Variants in KIRREL3 observed in about 807,000 individuals in gnomAD.
The protein encoded by KIRREL3 is kirre like nephrin family adhesion molecule 3, also known as kin of IRRE-like protein 3.
Under a neutral mutation model 89.7 loss-of-function variants are expected in KIRREL3, and 36 were observed. The observed-to-expected ratio is 0.40, with a 90% CI of 0.31 to 0.53. KIRREL3 has a LOEUF of 0.53. Among genes scored for constraint, KIRREL3 ranks in the 20% least tolerant of loss-of-function variants. The pLI, the probability that KIRREL3 is intolerant of heterozygous loss-of-function variation, is 0.49. For synonymous variants in KIRREL3, 445 were observed against 441.4 expected (o/e 1.01, Z -0.10); for missense variants, 864 against 1,056.6 (o/e 0.82, Z 2.53).
intron 4 of KIRREL3, 33 bp from the exon 5 acceptor site, chr11:126,473,499 G>T (rs1256241324): frequency 2.7e-6 from 4 of 1,509,146 alleles, no homozygotes; most frequent in Non-Finnish European, 2.7e-6. Context: ...GTCAGGCCGA[G>T]GCTCCCACCT....
At position 126,830,933 on chromosome 11, in the gene KIRREL3, GA is replaced by G. The variant is rs1365401397; in HGVS notation, c.55+169521del. Among the ~76,000 whole-genome samples, 1 of 152,090 alleles carries G rather than the reference GA, an allele frequency of 6.6e-6. No homozygotes were observed. The highest frequency in any genetic ancestry group is 1.5e-5 in the Non-Finnish European group (1 of 68,026). ...GGGTACGGCCACATATGCCTTCATT[GA>G]TGTGAATAATACCACCCTGGGCATT... On this transcript the variant is annotated intron_variant, in intron 1 of 16. Transcript: ENST00000525144. This position sits in a 1 kb window ranked among gnomAD's most constrained non-coding sequence, Gnocchi z 4.9.
chr11:126,431,579 C>G lies in KIRREL3; in HGVS notation c.1589-53G>C. ...TGACGGATGGGGAATGGCCTACTAT[C>G]CCCCCATGATCTCACCCCGTTCCTG... On this transcript the variant is annotated intron_variant, in intron 13 of 16. Coordinates refer to ENST00000525144, the MANE Select transcript of KIRREL3 (RefSeq NM_032531.4). The surrounding 1 kb of genome is among the most constrained non-coding windows in gnomAD (Gnocchi z 7.1). 1 of 1,543,548 alleles carries G rather than the reference C, an allele frequency of 6.5e-7. No individual in the cohort carries two copies. Among genetic ancestry groups the G allele is most frequent in the South Asian group, 1.1e-5 (1 of 88,878 alleles).
In KIRREL3 at chr11:126,905,289, C is replaced by T. The variant is rs1276485409; in HGVS notation, c.55+95166G>A. ...AAGGAGATGCTTCCGGGGGGAGCTG[C>T]AAGCTGAGGGGCTGCACCAGGAATA... On this transcript the variant is annotated intron_variant, in intron 1 of 16. Transcript: ENST00000525144. The surrounding 1 kb of genome is among the most constrained non-coding windows in gnomAD (Gnocchi z 5.0). 6.6e-6 allele frequency among the ~76,000 whole-genome samples: 1 copy of T among 152,048 alleles called. No individual in the cohort carries two copies. Among genetic ancestry groups the T allele is most frequent in the Admixed American group, 6.5e-5 (1 of 15,274 alleles).
chr11:126,855,204 T>A (rs867523161), intron 1 of KIRREL3, among the ~76,000 whole-genome samples: 1 of 152,204 alleles, frequency 6.6e-6, no homozygotes, highest in Admixed American at 6.5e-5. Context: ...CAAATTGTAA[T>A]CCCCTATGTT....
Position 126,608,352 on chromosome 11 carries a change from C to T in KIRREL3, c.56-45440G>A, listed in dbSNP as rs113807113. Among the ~76,000 whole-genome samples, 261 of 152,284 alleles carry T rather than the reference C, an allele frequency of 1.7e-3. 1 individual carries two copies. The highest frequency in any genetic ancestry group is 6.1e-3 in the African/African-American group (255 of 41,560). ...CAGGCCCAACTTCTGACTTCCTGTG[C>T]GGGGGCTCCTCCTCTAGCCCCAGGC... On this transcript the variant is annotated intron_variant, in intron 1 of 16. Transcript: ENST00000525144. This position sits in a 1 kb window ranked among gnomAD's most constrained non-coding sequence, Gnocchi z 4.9.
chr11:126,543,010 G>A (rs550884114), intron 2 of KIRREL3, among the ~76,000 whole-genome samples: 1 of 152,182 alleles, frequency 6.6e-6, no homozygotes, highest in East Asian at 1.9e-4. Flanking sequence ...CGTGGAGCAG[G>A]TCCCATCATC....
At position 126,956,444 on chromosome 11, in the gene KIRREL3, T is replaced by C. The variant is rs142770940; in HGVS notation, c.55+44011A>G. Reference sequence around the variant, plus strand: ...ATTTCCACATGTCTAGTCATTTTAATGGCATATGGTTCCAGGGGGAAACTC... The same window carrying C: ...ATTTCCACATGTCTAGTCATTTTAACGGCATATGGTTCCAGGGGGAAACTC... On this transcript the variant is annotated intron_variant, in intron 1 of 16. Coordinates refer to ENST00000525144, the MANE Select transcript of KIRREL3 (RefSeq NM_032531.4). 1.5e-3 allele frequency among the ~76,000 whole-genome samples: 223 copies of C among 152,312 alleles called. 2 individuals carry two copies. The highest frequency in any genetic ancestry group is 4.9e-3 in the African/African-American group (205 of 41,580).
intron 1 of KIRREL3, among the ~76,000 whole-genome samples, chr11:126,956,656 G>A (rs1408990823): frequency 6.6e-6 from 1 of 152,164 alleles, no homozygotes; most frequent in Non-Finnish European, 1.5e-5. Flanking sequence ...CCTGGAATGT[G>A]TCACAGTCAT....
In KIRREL3 at chr11:126,574,582, A is replaced by G. The variant is rs1004791244; in HGVS notation, c.56-11670T>C. 4.6e-5 allele frequency among the ~76,000 whole-genome samples: 7 copies of G among 152,202 alleles called. No homozygotes were observed. The highest frequency in any genetic ancestry group is 8.8e-5 in the Non-Finnish European group (6 of 68,026). On this transcript the variant is annotated intron_variant, in intron 1 of 16. Transcript: ENST00000525144. The surrounding 1 kb of genome is among the most constrained non-coding windows in gnomAD (Gnocchi z 5.3). ...AAGGACTGCACAGACCCTGCACGTC[A>G]ATAGCTGAGCCCCAGAGAAGTGACC...
At chr11:126,679,757 T>C (rs1410065844) in intron 1 of KIRREL3, among the ~76,000 whole-genome samples, 1 of 152,182 alleles carries the variant, frequency 6.6e-6, no homozygotes, top group Admixed American at 6.5e-5. Context: ...GATTGAAAAT[T>C]GCATATTTTT....
At chr11:126,545,610 AAAAATAAAATAAAAT>A (rs200693654) in intron 2 of KIRREL3, among the ~76,000 whole-genome samples, 7 of 148,246 alleles carry the variant, frequency 4.7e-5, no homozygotes, top group South Asian at 2.1e-4. Flanking sequence ...CTCAATTTTT[AAAAATAAAATAAAAT>A]AAAATAAAAT....
intron 4 of KIRREL3, among the ~76,000 whole-genome samples, chr11:126,478,759 ATG>A (rs958898561): frequency 1.9e-4 from 29 of 151,494 alleles, no homozygotes; most frequent in African/African-American, 6.3e-4. Context: ...GTGTGTGTAT[ATG>A]TGTGTGTATA....
At chr11:126,803,121 T>C (rs1339745400) in intron 1 of KIRREL3, among the ~76,000 whole-genome samples, 1 of 152,220 alleles carries the variant, frequency 6.6e-6, no homozygotes, top group Non-Finnish European at 1.5e-5. Flanking sequence ...CTCTCTGCAG[T>C]GCCCAGTCTG....
chr11:126,616,560 C>A (rs1237131326), intron 1 of KIRREL3, among the ~76,000 whole-genome samples: 1 of 152,162 alleles, frequency 6.6e-6, no homozygotes, highest in African/African-American at 2.4e-5. Flanking sequence ...ATACATCATC[C>A]CATTTGTTTC....
intron 1 of KIRREL3, among the ~76,000 whole-genome samples, chr11:126,582,214 C>T (rs1941587509): frequency 6.6e-6 from 1 of 152,220 alleles, no homozygotes; most frequent in Non-Finnish European, 1.5e-5. Context: ...GGCATACTCT[C>T]AACTGAGCAT....
intron 1 of KIRREL3, among the ~76,000 whole-genome samples, chr11:126,746,327 G>A (rs978387391): frequency 6.6e-6 from 1 of 152,184 alleles, no homozygotes; most frequent in African/African-American, 2.4e-5. Context: ...AGTGTGATAT[G>A]TATTGTGCAA....
chr11:126,650,242 A>G (rs1223507375), intron 1 of KIRREL3, among the ~76,000 whole-genome samples: 1 of 152,254 alleles, frequency 6.6e-6, no homozygotes, highest in Non-Finnish European at 1.5e-5. Context: ...CATGCCCTAG[A>G]GAATTTTCTC....
chr11:126,880,290 C>T (rs1043481331), intron 1 of KIRREL3, among the ~76,000 whole-genome samples: 1 of 152,124 alleles, frequency 6.6e-6, no homozygotes, highest in Non-Finnish European at 1.5e-5. Context: ...TTTCTTTGAC[C>T]CACTCACCCC....
At chr11:126,820,515 A>G (rs1943174590) in intron 1 of KIRREL3, among the ~76,000 whole-genome samples, 1 of 152,228 alleles carries the variant, frequency 6.6e-6, no homozygotes, top group Non-Finnish European at 1.5e-5. Flanking sequence ...ACCCAAGAAC[A>G]GAGAAGAATA....
Sources: gnomAD v4.1 joint callset for allele counts (sites outside exome capture counted in the v4.1 genomes callset) on GRCh38, gnomAD v4.1.1 for gene constraint, Gnocchi (gnomAD v3.1) non-coding constraint, MANE v1.5 for transcripts, NCBI Gene and HGNC (gene_info 2026-07-23, HGNC 2026-07-21) for gene names.